The following PKHD1 variants were observed in gnomAD, a reference collection of about 807,000 sequenced individuals.
PKHD1 encodes PKHD1 ciliary IPT domain containing fibrocystin/polyductin.
In PKHD1, 291 loss-of-function variants were observed where a neutral mutation model predicts 412.0. The observed-to-expected ratio is 0.71, with a 90% CI of 0.64 to 0.78. The LOEUF is 0.78. Ranked by LOEUF, PKHD1 falls within the 30% of genes least tolerant of loss-of-function variation. PKHD1 has a pLI of 0.00. For synonymous variants in PKHD1, 1,777 were observed against 1,821.5 expected (o/e 0.98, Z 0.62); for missense variants, 4,825 against 4,950.7 (o/e 0.97, Z 0.76).
intron 48 of PKHD1, among the ~76,000 whole-genome samples, chr6:51,866,755 A>G (rs763522575): frequency 4.6e-5 from 7 of 152,192 alleles, no homozygotes; most frequent in African/African-American, 7.2e-5. Context: ...CATTTAAAAC[A>G]TCCTTGGTAA....
At chr6:51,642,246 T>C (rs1041043560) in intron 63 of PKHD1, among the ~76,000 whole-genome samples, 2 of 151,948 alleles carry the variant, frequency 1.3e-5, no homozygotes, top group Non-Finnish European at 2.9e-5. Flanking sequence ...TAGGAGAAGG[T>C]ATGGGGAATA....
chr6:52,029,208 C>T (rs1421374118), intron 29 of PKHD1, among the ~76,000 whole-genome samples: 1 of 147,790 alleles, frequency 6.8e-6, no homozygotes, highest in Non-Finnish European at 1.5e-5. Flanking sequence ...AGCCTCATAG[C>T]TATTAATAAT....
At chr6:51,927,158 C>T (rs1218086499) in intron 37 of PKHD1, among the ~76,000 whole-genome samples, 1 of 152,100 alleles carries the variant, frequency 6.6e-6, no homozygotes, top group Non-Finnish European at 1.5e-5. Context: ...CTTCCCAGTC[C>T]TAAATAAAAA....
chr6:52,073,624 T>A (rs1019643363), intron 6 of PKHD1, 83 bp from the exon 7 acceptor site: 6 of 844,924 alleles, frequency 7.1e-6, no homozygotes, highest in Non-Finnish European at 1.0e-5. Flanking sequence ...TTTTTGGTTG[T>A]ATATACTCAA....
intron 60 of PKHD1, among the ~76,000 whole-genome samples, chr6:51,691,147 A>G (rs901890775): frequency 1.4e-5 from 2 of 147,112 alleles, no homozygotes; most frequent in African/African-American, 2.5e-5. Context: ...CTAAAAAGTC[A>G]AAAAATAACA....
At chr6:52,083,333 T>C (rs752864874) in intron 2 of PKHD1, 78 bp from the exon 3 acceptor site, 161 of 931,278 alleles carry the variant, frequency 1.7e-4, no homozygotes, top group Non-Finnish European at 2.7e-4. Flanking sequence ...TTAAGCAATA[T>C]TTAACCTGCC....
In PKHD1 at chr6:52,072,117, G is replaced by A. The variant is rs1232880579; in HGVS notation, c.600C>T (p.Ser200=). 3 of 1,587,988 alleles carry A rather than the reference G, an allele frequency of 1.9e-6. No homozygotes were observed. Among genetic ancestry groups the A allele is most frequent in the East Asian group, 2.2e-5 (1 of 44,778 alleles). The stretch of plus-strand genomic sequence containing the variant: ...TGGCAAGATAATAAGACACTCACCA[G>A]CTTCCCATCTGCCTATTTATAAGAG... ...PCSLINRQMG[S]CYPIQEDHGL... is the part of the protein sequence containing the mutation. Residue 200 remains serine (S), a splice_region_variant and synonymous_variant, in exon 8 of 67, where the codon AGC becomes AGT. Transcript: ENST00000371117.
intron 43 of PKHD1, among the ~76,000 whole-genome samples, chr6:51,895,940 G>C (rs543061455): frequency 1.3e-5 from 2 of 152,100 alleles, no homozygotes; most frequent in Non-Finnish European, 2.9e-5. Flanking sequence ...ACTCCCACCC[G>C]AATACTGCGC....
chr6:51,840,446 T>C (rs1769979220), intron 50 of PKHD1, among the ~76,000 whole-genome samples: 1 of 152,130 alleles, frequency 6.6e-6, no homozygotes, highest in Non-Finnish European at 1.5e-5. Flanking sequence ...CACCAACACA[T>C]ATATCTGCAT....
intron 60 of PKHD1, among the ~76,000 whole-genome samples, chr6:51,700,683 A>G (rs1779314384): frequency 6.6e-6 from 1 of 152,236 alleles, no homozygotes. Context: ...AAGGGAAAAT[A>G]AGCCAAAACC....
In PKHD1 at chr6:51,616,396, G is replaced by T; in HGVS notation, c.*2685C>A. The T allele has an allele frequency of 3.1e-6, 1 of 322,516 alleles. No homozygotes were observed. The highest frequency in any genetic ancestry group is 5.5e-6 in the Non-Finnish European group (1 of 180,372). The allele number at this position is 322,516 out of a possible 1,614,324, so 20.0% of individuals were successfully genotyped here. On this transcript the variant is annotated 3_prime_UTR_variant, in exon 67 of 67. Transcript: ENST00000371117. ...AGATTGTCACTGCTGGGAAATATTT[G>T]CTGGGTTACCCATGTTAACGATCTG...
At chr6:51,729,637 G>T (rs953879537) in intron 60 of PKHD1, among the ~76,000 whole-genome samples, 2 of 152,136 alleles carry the variant, frequency 1.3e-5, no homozygotes, top group African/African-American at 2.4e-5. Flanking sequence ...GTAGCCAGAT[G>T]ACAAAAAGCT....
chr6:52,064,570 TAGCAG>T (rs1238642063), intron 13 of PKHD1, among the ~76,000 whole-genome samples: 2 of 152,168 alleles, frequency 1.3e-5, no homozygotes, highest in Non-Finnish European at 2.9e-5. Flanking sequence ...GTTTTGAGCA[TAGCAG>T]AGCACACTCT....
rs753459859 is a variant in PKHD1 at position 51,746,814 on chromosome 6, T to C, written c.9905A>G (p.Asn3302Ser). 1 of 1,609,882 alleles carries C rather than the reference T, an allele frequency of 6.2e-7. No homozygotes were observed. Among genetic ancestry groups the C allele is most frequent in the South Asian group, 1.1e-5 (1 of 90,962 alleles). The change falls in exon 59 of 67, where the codon AAC (asparagine) becomes AGC (serine). Residue 3302 changes from asparagine to serine, a missense_variant. Physicochemically the swap from Asn to Ser is conservative, Grantham distance 46. Transcript: ENST00000371117. ...LDVCILPNAE[N>S]SGIMHPITAE... is the part of the protein sequence containing the mutation. ...TGTTATTGGGTGCATAATTCCACTG[T>C]TCTCTGCATTTGGTAGAATGCAGAC...
At chr6:51,709,367 C>T (rs1295713575) in intron 60 of PKHD1, among the ~76,000 whole-genome samples, 4 of 152,194 alleles carry the variant, frequency 2.6e-5, no homozygotes, top group Non-Finnish European at 1.5e-5. Context: ...GACAACCACA[C>T]ATCCCCATGT....
At chr6:51,622,561 T>C (rs1418675358) in intron 66 of PKHD1, 1 of 152,246 alleles carries the variant, frequency 6.6e-6, no homozygotes, top group African/African-American at 2.4e-5. Context: ...AATTAAATAC[T>C]AATGCTTCTA....
intron 59 of PKHD1, 109 bp downstream of exon 59, chr6:51,746,612 C>T: frequency 1.3e-6 from 1 of 757,258 alleles, no homozygotes; most frequent in South Asian, 1.5e-5. Flanking sequence ...TTCTAAGATT[C>T]ATTTCTATTT....
chr6:51,818,764 GA>G (rs1765889990), intron 52 of PKHD1, among the ~76,000 whole-genome samples: 1 of 152,142 alleles, frequency 6.6e-6, no homozygotes. Flanking sequence ...AGAAATAAAA[GA>G]AGAATCCTTT....
rs748540413 is a variant in PKHD1 at position 52,026,063 on chromosome 6, A to C, written c.3747T>G (p.Cys1249Trp). The C allele has an allele frequency of 1.1e-5, 17 of 1,614,048 alleles. No individual in the cohort carries two copies. The highest frequency in any genetic ancestry group is 1.4e-5 in the Non-Finnish European group (17 of 1,180,034). ...GTATCTGGGGGGCTGGCAGGGTTTC[A>C]CACCAGATGCTCGCCTCCGTTAAGT... Reference protein sequence around the residue: ...IVNLTEASIWCETLPAPQIPD... With the variant: ...IVNLTEASIWWETLPAPQIPD... Residue 1249 changes from cysteine to tryptophan, a missense_variant, in exon 32 of 67, where the codon TGT becomes TGG. By Grantham distance (215) the Cys-to-Trp change is radical. Transcript: ENST00000371117.
Sources: gnomAD v4.1 joint callset for allele counts (sites outside exome capture counted in the v4.1 genomes callset) on GRCh38, gnomAD v4.1.1 for gene constraint, MANE v1.5 for transcripts, NCBI Gene and HGNC (gene_info 2026-07-23, HGNC 2026-07-21) for gene names.